The following IGF2BP2 variants were observed in gnomAD, a reference collection of about 807,000 sequenced individuals.
IGF2BP2 encodes the protein insulin-like growth factor 2 mRNA-binding protein 2.
A neutral mutation model predicts 75.8 loss-of-function variants in IGF2BP2; 17 were observed. That is an observed-to-expected ratio of 0.22 (90% CI 0.15 to 0.34). The LOEUF (loss-of-function observed/expected upper bound fraction) is 0.34, where lower values mean the gene tolerates loss of function less well. Among genes scored for constraint, IGF2BP2 ranks in the 10% least tolerant of loss-of-function variants. The probability of loss-of-function intolerance (pLI) is 1.00; values close to 1 mark genes in which losing one functional copy is unlikely to be tolerated. For synonymous variants in IGF2BP2, 288 were observed against 295.6 expected (o/e 0.97, Z 0.26); for missense variants, 516 against 772.4 (o/e 0.67, Z 3.93).
intron 10 of IGF2BP2, among the ~76,000 whole-genome samples, chr3:185,659,164 A>C (rs1715978670): frequency 6.6e-6 from 1 of 151,994 alleles, no homozygotes; most frequent in Non-Finnish European, 1.5e-5. Context: ...GGCTGCAGTG[A>C]GCTATGATTG....
chr3:185,759,059 C>T (rs1732005481), intron 2 of IGF2BP2, among the ~76,000 whole-genome samples: 1 of 152,166 alleles, frequency 6.6e-6, no homozygotes, highest in Non-Finnish European at 1.5e-5. Flanking sequence ...GGGGACACAC[C>T]TAGTAGACAC....
Position 185,823,130 on chromosome 3 carries a change from A to C in IGF2BP2, c.239+23T>G, listed in dbSNP as rs757180017. On this transcript the variant is annotated intron_variant, in intron 2 of 15. Coordinates refer to ENST00000382199, the MANE Select transcript of IGF2BP2 (RefSeq NM_006548.6). ...TATACGTAAGGCCAATCGCAAAAAAAAAACTAAGCAAAGTATATTTACCTT... is the reference window on the plus strand; with the variant it reads ...TATACGTAAGGCCAATCGCAAAAAACAAACTAAGCAAAGTATATTTACCTT... The C allele has an allele frequency of 1.9e-6, 3 of 1,560,184 alleles. No individual in the cohort carries two copies. In the South Asian group the frequency reaches 3.6e-5, roughly 19 times the overall value.
At chr3:185,799,659 G>A (rs1332589655) in intron 2 of IGF2BP2, among the ~76,000 whole-genome samples, 2 of 152,114 alleles carry the variant, frequency 1.3e-5, no homozygotes, top group Non-Finnish European at 2.9e-5. Flanking sequence ...GGCTGAGGCA[G>A]GAGAATTGCT....
chr3:185,673,196 A>G (rs1718793049), intron 9 of IGF2BP2, among the ~76,000 whole-genome samples: 1 of 152,184 alleles, frequency 6.6e-6, no homozygotes, highest in South Asian at 2.1e-4. Context: ...CACTCATTAC[A>G]TGGTATGTGA....
chr3:185,797,899 A>T (rs1479874673), intron 2 of IGF2BP2, among the ~76,000 whole-genome samples: 1 of 66,260 alleles, frequency 1.5e-5, no homozygotes, highest in East Asian at 3.0e-4. Context: ...CTGTCTCTTA[A>T]AAAAAAAAAA....
At chr3:185,800,718 A>AAAAGAAAGAAAGAAAGAAAGAAAGAAAG (rs1553893939) in intron 2 of IGF2BP2, among the ~76,000 whole-genome samples, 6 of 143,276 alleles carry the variant, frequency 4.2e-5, no homozygotes, top group Admixed American at 2.8e-4. Context: ...GAGCCAAAAA[A>AAAAGAAAGAAAGAAAGAAAGAAAGAAAG]AAAGAAAGAA....
intron 4 of IGF2BP2, among the ~76,000 whole-genome samples, chr3:185,695,825 C>G (rs147787740): frequency 0.028 from 4,197 of 152,302 alleles, 184 homozygotes; most frequent in African/African-American, 0.096. Flanking sequence ...AAGTCTCACT[C>G]TGTCACCCAG....
intron 2 of IGF2BP2, among the ~76,000 whole-genome samples, chr3:185,704,475 G>A (rs964509196): frequency 1.3e-5 from 2 of 151,722 alleles, no homozygotes; most frequent in African/African-American, 2.4e-5. Context: ...TTTGAGACAC[G>A]GTCTTGCTCT....
intron 10 of IGF2BP2, among the ~76,000 whole-genome samples, chr3:185,664,309 G>A (rs1186446412): frequency 6.6e-6 from 1 of 152,230 alleles, no homozygotes; most frequent in African/African-American, 2.4e-5. Context: ...GGGACATTCT[G>A]AACTCACTGG....
At chr3:185,760,792 CAGCT>C (rs1732258282) in intron 2 of IGF2BP2, among the ~76,000 whole-genome samples, 1 of 152,166 alleles carries the variant, frequency 6.6e-6, no homozygotes, top group African/African-American at 2.4e-5. Flanking sequence ...AGCAGAGGAT[CAGCT>C]GTTTCTTTTT....
At chr3:185,656,214 C>A (rs1400624954) in intron 12 of IGF2BP2, among the ~76,000 whole-genome samples, 1 of 152,248 alleles carries the variant, frequency 6.6e-6, no homozygotes, top group African/African-American at 2.4e-5. Flanking sequence ...GTCAGGCCAG[C>A]ACCTGCCTAT....
At chr3:185,690,807 G>A (rs1232169969) in intron 5 of IGF2BP2, among the ~76,000 whole-genome samples, 1 of 152,070 alleles carries the variant, frequency 6.6e-6, no homozygotes, top group Non-Finnish European at 1.5e-5. Flanking sequence ...ATTTGATAGG[G>A]GATAAATGAT....
At chr3:185,824,328 G>C (rs1467784659) in intron 1 of IGF2BP2, among the ~76,000 whole-genome samples, 2 of 151,416 alleles carry the variant, frequency 1.3e-5, no homozygotes, top group Non-Finnish European at 2.9e-5. Flanking sequence ...CGAGGCACTG[G>C]AAGAGAGAAG....
At chr3:185,691,974 A>G (rs1722010234) in intron 5 of IGF2BP2, among the ~76,000 whole-genome samples, 1 of 152,158 alleles carries the variant, frequency 6.6e-6, no homozygotes. Context: ...CCTGGGCTCA[A>G]GCAATCCTCC....
At chr3:185,771,167 T>C (rs1057136817) in intron 2 of IGF2BP2, among the ~76,000 whole-genome samples, 2 of 152,116 alleles carry the variant, frequency 1.3e-5, no homozygotes, top group African/African-American at 4.8e-5. Flanking sequence ...GGGCCAGGCA[T>C]GGTGGCTCAC....
chr3:185,708,339 T>TAAGAA (rs1724337542), intron 2 of IGF2BP2, among the ~76,000 whole-genome samples: 1 of 152,164 alleles, frequency 6.6e-6, no homozygotes, highest in Non-Finnish European at 1.5e-5. Flanking sequence ...TGGCAAACCT[T>TAAGAA]AAGAAAACGT....
At chr3:185,788,033 T>A (rs2149839305) in intron 2 of IGF2BP2, among the ~76,000 whole-genome samples, 1 of 152,368 alleles carries the variant, frequency 6.6e-6, no homozygotes, top group Non-Finnish European at 1.5e-5. Flanking sequence ...CTAAGTTGCA[T>A]GAAAGCAAGG....
At chr3:185,716,471 C>A (rs1343060590) in intron 2 of IGF2BP2, 7 of 519,720 alleles carry the variant, frequency 1.3e-5, no homozygotes, top group Non-Finnish European at 2.3e-5. Flanking sequence ...GAGGTCTCTT[C>A]TTATGTCTCT....
chr3:185,700,602 G>C (rs531771229), intron 2 of IGF2BP2, among the ~76,000 whole-genome samples: 1 of 152,208 alleles, frequency 6.6e-6, no homozygotes, highest in East Asian at 1.9e-4. Context: ...TCTGTAGAAA[G>C]GGCATCAGAA....
Sources: gnomAD v4.1 joint callset for allele counts (sites outside exome capture counted in the v4.1 genomes callset) on GRCh38, gnomAD v4.1.1 for gene constraint, MANE v1.5 for transcripts, NCBI Gene and HGNC (gene_info 2026-07-23, HGNC 2026-07-21) for gene names.